The following ADAM23 variants were observed in gnomAD, a reference collection of about 807,000 sequenced individuals.
ADAM23 encodes the protein ADAM metallopeptidase domain 23, also known as disintegrin and metalloproteinase domain-containing protein 23.
In ADAM23, 33 loss-of-function variants were observed where a neutral mutation model predicts 120.1. The observed-to-expected ratio is 0.27, with a 90% confidence interval of 0.21 to 0.37. The LOEUF (loss-of-function observed/expected upper bound fraction) is 0.37, where lower values mean the gene tolerates loss of function less well. Among genes scored for constraint, ADAM23 ranks in the 10% least tolerant of loss-of-function variants. The pLI is 1.00. For missense variants in ADAM23, 862 were observed against 1,058.2 expected (o/e 0.81, Z 2.57); for synonymous variants, 367 against 375.2 (o/e 0.98, Z 0.25).
At chr2:206,508,479 A>T (rs1454028204) in intron 3 of ADAM23, among the ~76,000 whole-genome samples, 1 of 149,710 alleles carries the variant, frequency 6.7e-6, no homozygotes, top group African/African-American at 2.5e-5. Context: ...AACATGGGGA[A>T]ACCCCATCTC....
chr2:206,574,842 T>A (rs1043346787), intron 18 of ADAM23, among the ~76,000 whole-genome samples: 2 of 152,226 alleles, frequency 1.3e-5, no homozygotes, highest in Non-Finnish European at 2.9e-5. Context: ...TTTATGTTTT[T>A]AATTTACCTA....
rs572639914 is a variant in ADAM23 at position 206,500,500 on chromosome 2, C to T, written c.509+19192C>T. Among the ~76,000 whole-genome samples, 4 of 152,222 alleles carry T rather than the reference C, an allele frequency of 2.6e-5. No homozygotes were observed. In the East Asian group the frequency reaches 5.8e-4, roughly 22 times the overall value. On this transcript the variant is annotated intron_variant, in intron 3 of 25. Coordinates refer to ENST00000264377, the MANE Select transcript of ADAM23 (RefSeq NM_003812.4). ...TTAGTAAGATTTATCTCTATCTCAGCGGTGAATGATACAGGGTCTGTAATC... is the reference window on the plus strand; with the variant it reads ...TTAGTAAGATTTATCTCTATCTCAGTGGTGAATGATACAGGGTCTGTAATC...
At chr2:206,500,249 G>A (rs1282312228) in intron 3 of ADAM23, among the ~76,000 whole-genome samples, 2 of 152,074 alleles carry the variant, frequency 1.3e-5, no homozygotes, top group Non-Finnish European at 2.9e-5. Flanking sequence ...CATATAGGAA[G>A]CAAAAGAAAA....
intron 2 of ADAM23, among the ~76,000 whole-genome samples, chr2:206,477,916 A>G (rs905468993): frequency 6.9e-6 from 1 of 143,976 alleles, no homozygotes; most frequent in Non-Finnish European, 1.5e-5. Flanking sequence ...ATATATATAT[A>G]TATATAAAAC....
At chr2:206,460,811 C>T (rs1307886489) in intron 2 of ADAM23, among the ~76,000 whole-genome samples, 2 of 152,142 alleles carry the variant, frequency 1.3e-5, no homozygotes, top group African/African-American at 2.4e-5. Flanking sequence ...GAAATCATTG[C>T]CAAATCCTAT....
At chr2:206,540,395 G>A (rs1044837699) in intron 4 of ADAM23, among the ~76,000 whole-genome samples, 5 of 152,094 alleles carry the variant, frequency 3.3e-5, no homozygotes, top group African/African-American at 1.2e-4. Context: ...CCACAGGGCC[G>A]ACTGTGAGAC....
chr2:206,557,707 T>C (rs914161597), intron 10 of ADAM23, among the ~76,000 whole-genome samples: 3 of 152,150 alleles, frequency 2.0e-5, no homozygotes, highest in Non-Finnish European at 2.9e-5. Context: ...CAAAGATACA[T>C]TAGTGTTGCT....
At chr2:206,580,050 T>C (rs918037046) in intron 18 of ADAM23, among the ~76,000 whole-genome samples, 3 of 152,332 alleles carry the variant, frequency 2.0e-5, no homozygotes, top group Non-Finnish European at 4.4e-5. Flanking sequence ...AGCTACTGAT[T>C]TGTTTACATT....
intron 3 of ADAM23, among the ~76,000 whole-genome samples, chr2:206,500,093 A>T (rs1696356478): frequency 6.6e-6 from 1 of 152,024 alleles, no homozygotes; most frequent in Non-Finnish European, 1.5e-5. Flanking sequence ...TTTGCTGGTT[A>T]TTTTTTATGC....
intron 3 of ADAM23, among the ~76,000 whole-genome samples, chr2:206,524,364 T>G (rs1372252409): frequency 2.0e-5 from 3 of 152,152 alleles, no homozygotes; most frequent in Non-Finnish European, 2.9e-5. Flanking sequence ...GTGAATGTGA[T>G]CTCATAGCTT....
chr2:206,478,448 G>A (rs566641249), intron 2 of ADAM23, among the ~76,000 whole-genome samples: 1 of 152,016 alleles, frequency 6.6e-6, no homozygotes, highest in East Asian at 1.9e-4. Context: ...CTTGTTGCTG[G>A]CATGATAAAT....
intron 2 of ADAM23, among the ~76,000 whole-genome samples, chr2:206,447,679 A>G (rs1293839506): frequency 1.3e-5 from 2 of 152,362 alleles, no homozygotes; most frequent in East Asian, 3.9e-4. Flanking sequence ...GCTGCTTTAG[A>G]AATGTTTCAG....
chr2:206,594,611 A>C, intron 22 of ADAM23, 126 bp from the exon 23 acceptor site: 2 of 1,042,110 alleles, frequency 1.9e-6, no homozygotes, highest in East Asian at 5.0e-5. Flanking sequence ...AAGAGGAGTA[A>C]GAAAATGCTA....
intron 2 of ADAM23, among the ~76,000 whole-genome samples, chr2:206,465,204 A>G (rs1470445657): frequency 6.6e-6 from 1 of 151,840 alleles, no homozygotes; most frequent in Non-Finnish European, 1.5e-5. Context: ...ATGCCTGGCT[A>G]TTTTTTTCTA....
At chr2:206,612,972 G>T (rs924252722) in intron 25 of ADAM23, among the ~76,000 whole-genome samples, 3 of 152,312 alleles carry the variant, frequency 2.0e-5, no homozygotes, top group Admixed American at 1.3e-4. Context: ...TGGATTTCCT[G>T]AAGAATTTTT....
intron 18 of ADAM23, among the ~76,000 whole-genome samples, chr2:206,578,617 C>A (rs1698164494): frequency 6.6e-6 from 1 of 152,016 alleles, no homozygotes; most frequent in African/African-American, 2.4e-5. Context: ...TTTATCCACT[C>A]ATTGATTGAT....
chr2:206,599,185 A>G (rs1414830885), intron 24 of ADAM23, among the ~76,000 whole-genome samples: 2 of 151,408 alleles, frequency 1.3e-5, no homozygotes, highest in East Asian at 1.9e-4. Flanking sequence ...AGCCTGGGTA[A>G]CAGAGCGAGA....
intron 2 of ADAM23, among the ~76,000 whole-genome samples, chr2:206,477,923 A>ATATATAT (rs1261680065): frequency 1.4e-4 from 13 of 90,742 alleles, no homozygotes; most frequent in African/African-American, 5.7e-4. Context: ...TATATATATA[A>ATATATAT]AACAACAATG....
intron 10 of ADAM23, among the ~76,000 whole-genome samples, chr2:206,557,918 CA>C (rs1456304407): frequency 1.3e-5 from 2 of 151,788 alleles, no homozygotes; most frequent in East Asian, 3.9e-4. Flanking sequence ...TAGGTAATAC[CA>C]AAAAAAATTT....
Sources: gnomAD v4.1 joint callset for allele counts (sites outside exome capture counted in the v4.1 genomes callset) on GRCh38, gnomAD v4.1.1 for gene constraint, MANE v1.5 for transcripts, NCBI Gene and HGNC (gene_info 2026-07-23, HGNC 2026-07-21) for gene names.